Variants in USP42 observed in about 807,000 individuals in gnomAD.
The protein encoded by USP42 is ubiquitin carboxyl-terminal hydrolase 42.
Under a neutral mutation model 113.0 loss-of-function variants are expected in USP42, and 23 were observed. That is an observed-to-expected ratio of 0.20 (90% CI 0.15 to 0.29). USP42 has a LOEUF of 0.29. Among genes scored for constraint, USP42 ranks in the 10% least tolerant of loss-of-function variants. USP42 has a pLI of 1.00. For synonymous variants in USP42, 933 were observed against 699.0 expected (o/e 1.33, Z -5.28); for missense variants, 2,174 against 1,779.8 (o/e 1.22, Z -3.99).
chr7:6,156,898 C>G lies in USP42; in HGVS notation c.3786C>G (p.Thr1262=), dbSNP rs1583699648. ...CAGAACTGCACTTACCCAGGGTCAC[C>G]AGCTTGGAGACTGTCGCCCAGTTCC... ...KDSELHLPRV[T]SLETVAQFRR... Residue 1262 remains threonine, a synonymous_variant, in exon 16 of 18, where the codon ACC becomes ACG. Coordinates refer to ENST00000306177, the MANE Select transcript of USP42 (RefSeq NM_032172.3). 6.2e-7 allele frequency: 1 copy of G among 1,613,722 alleles called. No homozygotes were observed. Among genetic ancestry groups the G allele is most frequent in the Non-Finnish European group, 8.5e-7 (1 of 1,179,814 alleles).
chr7:6,130,029 A>G (rs1302474587), intron 3 of USP42, among the ~76,000 whole-genome samples: 1 of 152,082 alleles, frequency 6.6e-6, no homozygotes, highest in Non-Finnish European at 1.5e-5. Flanking sequence ...TTTGTTGTCC[A>G]GGCTGGAGTG....
In USP42 at chr7:6,153,907, G is replaced by T. The variant is rs574852764; in HGVS notation, c.2353G>T (p.Ala785Ser). The T allele has an allele frequency of 2.0e-5, 32 of 1,595,460 alleles. No individual in the cohort carries two copies. In the East Asian group the frequency reaches 6.2e-4, roughly 31 times the overall value. Residue 785 changes from alanine to serine, a missense_variant, in exon 15 of 18, where the codon GCT (alanine) becomes TCT (serine). Ala to Ser is a moderately conservative substitution (Grantham distance 99). Transcript: ENST00000306177. ...GCCGCCCCGCGATCCCGGCACCCCC[G>T]CTACCAAAGAAGGCGCCTGGGAGGC... ...APPPRDPGTP[A>S]TKEGAWEAMA...
chr7:6,086,927 C>A, the USP42 span, among the ~76,000 whole-genome samples: 1 of 150,096 alleles, frequency 6.7e-6, no homozygotes, highest in Non-Finnish European at 1.5e-5. Flanking sequence ...GGGGTTTCAC[C>A]ATGTTGGCCA....
At chr7:6,090,358 A>C in the USP42 span, among the ~76,000 whole-genome samples, 1 of 134,556 alleles carries the variant, frequency 7.4e-6, no homozygotes. Context: ...TTATATATAT[A>C]TTTATATATA....
At chr7:6,108,160 C>T (rs1046828936) in intron 1 of USP42, among the ~76,000 whole-genome samples, 2 of 152,144 alleles carry the variant, frequency 1.3e-5, no homozygotes, top group African/African-American at 4.8e-5. Context: ...GCATTCCAGC[C>T]TGGGTGGCAG....
chr7:6,130,059 C>T (rs991622952), intron 3 of USP42, among the ~76,000 whole-genome samples: 7 of 152,002 alleles, frequency 4.6e-5, no homozygotes, highest in African/African-American at 1.7e-4. Flanking sequence ...AATCATGGCT[C>T]ACTGCAGCTC....
At position 6,158,818 on chromosome 7, in the gene USP42, G is replaced by A. The variant is rs1342172059; in HGVS notation, c.3944-632G>A. 1.3e-5 allele frequency among the ~76,000 whole-genome samples: 2 copies of A among 152,182 alleles called. No homozygotes were observed. Among genetic ancestry groups the A allele is most frequent in the African/African-American group, 2.4e-5 (1 of 41,448 alleles). Reference sequence around the variant, plus strand: ...ATTCTGAGTGTGGTGCAGGCTCCCAGGATCATGGGCTTCCAGCTGGGGCTA... The same window carrying A: ...ATTCTGAGTGTGGTGCAGGCTCCCAAGATCATGGGCTTCCAGCTGGGGCTA... On this transcript the variant is annotated intron_variant, in intron 16 of 17. Transcript: ENST00000306177. This position sits in a 1 kb window ranked among gnomAD's most constrained non-coding sequence, Gnocchi z 4.2.
At chr7:6,082,603 G>GTTTTTT in the USP42 span, among the ~76,000 whole-genome samples, 38 of 90,190 alleles carry the variant, frequency 4.2e-4, no homozygotes, top group Non-Finnish European at 4.7e-4. Flanking sequence ...CTTTCTTTCT[G>GTTTTTT]TTTTTTTTTT....
chr7:6,141,087 GA>G (rs2128505363), intron 7 of USP42, 103 bp downstream of exon 7: 1 of 510,110 alleles, frequency 2.0e-6, no homozygotes, highest in East Asian at 3.9e-5. Context: ...AATATAAATT[GA>G]AAAATTCAAT....
In USP42 at chr7:6,122,325, G is replaced by C. The variant is rs186906248; in HGVS notation, c.442+6802G>C. 1.2e-4 allele frequency among the ~76,000 whole-genome samples: 18 copies of C among 145,422 alleles called. No individual in the cohort carries two copies. In the East Asian group the frequency reaches 3.2e-3, roughly 26 times the overall value. On this transcript the variant is annotated intron_variant, in intron 3 of 17. Coordinates refer to ENST00000306177, the MANE Select transcript of USP42 (RefSeq NM_032172.3). Reference sequence around the variant, plus strand: ...AAGACAGGGTCTCACTCACTCTGTTGCCTAGGCTGGAGTGCAGTGGTGTCA... The same window carrying C: ...AAGACAGGGTCTCACTCACTCTGTTCCCTAGGCTGGAGTGCAGTGGTGTCA...
chr7:6,157,674 ACT>A lies in USP42; in HGVS notation c.3943+623_3943+624del, dbSNP rs1305771190. On this transcript the variant is annotated intron_variant, in intron 16 of 17. Coordinates refer to ENST00000306177, the MANE Select transcript of USP42 (RefSeq NM_032172.3). The surrounding 1 kb of genome is among the most constrained non-coding windows in gnomAD (Gnocchi z 4.1). ...GAAATACTTTTGCAGCGTATACGTT[ACT>A]CTCCCGAATCCTTAAACCTGTAGCA... Among the ~76,000 whole-genome samples the A allele has an allele frequency of 2.0e-5, 3 of 151,996 alleles. No homozygotes were observed. The highest frequency in any genetic ancestry group is 2.1e-4 in the South Asian group (1 of 4,822).
At chr7:6,142,426 C>T (rs1781483176) in intron 7 of USP42, among the ~76,000 whole-genome samples, 1 of 152,086 alleles carries the variant, frequency 6.6e-6, no homozygotes, top group Admixed American at 6.5e-5. Context: ...CCATGTTAGC[C>T]AGGATGGTCT....
chr7:6,114,717 C>G (rs1477535082), intron 2 of USP42, among the ~76,000 whole-genome samples: 2 of 87,952 alleles, frequency 2.3e-5, no homozygotes, highest in African/African-American at 4.3e-5. Context: ...GAGACGGAGT[C>G]TCTCGCTCTG....
chr7:6,093,291 T>G, the USP42 span, among the ~76,000 whole-genome samples: 1 of 148,284 alleles, frequency 6.7e-6, no homozygotes, highest in African/African-American at 2.6e-5. Context: ...TTCTCTCTCT[T>G]TTTTTTTGCC....
chr7:6,144,393 C>G (rs577094624), intron 9 of USP42, among the ~76,000 whole-genome samples, 197 bp downstream of exon 9: 23 of 152,122 alleles, frequency 1.5e-4, no homozygotes, highest in Non-Finnish European at 2.8e-4. Context: ...AATCTGAAAT[C>G]CAAAGAGGAC....
chr7:6,115,292 G>A lies in USP42; in HGVS notation c.242-31G>A, dbSNP rs1384466287. On this transcript the variant is annotated intron_variant, in intron 2 of 17. Coordinates refer to ENST00000306177, the MANE Select transcript of USP42 (RefSeq NM_032172.3). ...ATTTAGCTTCAGTATGCAAAGCTTG[G>A]TTTCTGACTCTTTCTTGTTTATTTT... 3.7e-6 allele frequency: 6 copies of A among 1,609,000 alleles called. No individual in the cohort carries two copies. In the South Asian group the frequency reaches 4.4e-5, roughly 12 times the overall value.
At chr7:6,104,755 CA>C (rs1272849545), upstream of USP42, 2 of 152,092 alleles carry the variant, frequency 1.3e-5, no homozygotes, top group East Asian at 3.9e-4. Context: ...TGCCTTCGCC[CA>C]CGGCTCTTGG....
In USP42 at chr7:6,108,513, G is replaced by A. The variant is rs149351823; in HGVS notation, c.-9-2612G>A. Among the ~76,000 whole-genome samples, 110 of 152,140 alleles carry A rather than the reference G, an allele frequency of 7.2e-4. 1 individual carries two copies. Among genetic ancestry groups the A allele is most frequent in the Middle Eastern group, 6.8e-3 (2 of 294 alleles). ...CCTTTTCTTTTAAAGACAGAGTCTC[G>A]CTCTGTCGCCAGGCTGGAGTGCAGT... On this transcript the variant is annotated intron_variant, in intron 1 of 17. Coordinates refer to ENST00000306177, the MANE Select transcript of USP42 (RefSeq NM_032172.3).
the USP42 span, among the ~76,000 whole-genome samples, chr7:6,099,182 T>G: frequency 6.8e-6 from 1 of 147,650 alleles, no homozygotes; most frequent in Non-Finnish European, 1.5e-5. Flanking sequence ...TATTACTGAC[T>G]AATTGCCTGG....
Sources: allele counts gnomAD v4.1 joint callset (sites outside exome capture counted in the v4.1 genomes callset), GRCh38; gene constraint gnomAD v4.1.1; non-coding constraint Gnocchi (gnomAD v3.1); transcripts MANE v1.5; gene names NCBI Gene and HGNC (gene_info 2026-07-23, HGNC 2026-07-21).